The following SERPINE2 variants were observed in gnomAD, a reference collection of about 807,000 sequenced individuals.
SERPINE2 encodes the protein glia-derived nexin.
SERPINE2 carries 14 observed loss-of-function variants against 36.3 expected under a neutral mutation model. The observed-to-expected ratio is 0.39, with a 90% CI of 0.25 to 0.60. The LOEUF (loss-of-function observed/expected upper bound fraction) is 0.60, where lower values mean the gene tolerates loss of function less well. Ranked by LOEUF, SERPINE2 falls within the 20% of genes least tolerant of loss-of-function variation. SERPINE2 has a pLI of 0.57. For missense variants in SERPINE2, 418 were observed against 499.6 expected, an observed-to-expected ratio of 0.84 and a Z score of 1.56; for synonymous variants, 192 against 191.8, an observed-to-expected ratio of 1.00 and a Z score of -0.01.
In SERPINE2 at chr2:223,991,822, C is replaced by T. The variant is rs1298593564; in HGVS notation, c.666G>A (p.Gln222=). The change falls in exon 4 of 9, where the codon CAG becomes CAA. Residue 222 remains glutamine (Q), a synonymous_variant. Coordinates refer to ENST00000409304, the MANE Select transcript of SERPINE2 (RefSeq NM_001136528.2). ...ACTCACCACACCGGAACACGGAGAG[C>T]TGGGCCAGCATTGGCACTTGATAGG... The part of the protein sequence containing the change: ...GKSYQVPMLA[Q]LSVFRCGSTS... The T allele has an allele frequency of 6.2e-7, 1 of 1,613,994 alleles. No individual in the cohort carries two copies. The highest frequency in any genetic ancestry group is 2.2e-5 in the East Asian group (1 of 44,872).
In SERPINE2 at chr2:223,998,103, G is replaced by A. The variant is rs374824025; in HGVS notation, c.487+12C>T. On this transcript the variant is annotated intron_variant, in intron 3 of 8. Transcript: ENST00000409304. ...AAACTATGCAATCAAATGACATACT[G>A]CGGCCACTCACCCCTGGTTTCATTT... 2.3e-4 allele frequency: 372 copies of A among 1,597,378 alleles called. 2 individuals carry two copies. In the South Asian group the frequency reaches 2.7e-3, roughly 12 times the overall value.
intron 1 of SERPINE2, among the ~76,000 whole-genome samples, chr2:224,024,878 A>C (rs577179927): frequency 6.6e-6 from 1 of 152,310 alleles, no homozygotes; most frequent in East Asian, 1.9e-4. Context: ...TGCACCAACG[A>C]ATCTTTAGGG....
At position 224,007,182 on chromosome 2, in the gene SERPINE2, T is replaced by C. The variant is rs931744236; in HGVS notation, c.-22-5260A>G. On this transcript the variant is annotated intron_variant, in intron 1 of 8. Transcript: ENST00000409304. ...TCTATGTAGCATAATAAGTAAGTTG[T>C]AGGCAGACAGCTTGGTGGGAAAAAC... Among the ~76,000 whole-genome samples the C allele has an allele frequency of 2.6e-5, 4 of 152,218 alleles. No individual in the cohort carries two copies. In the South Asian group the frequency reaches 8.3e-4, roughly 31 times the overall value.
At position 223,975,141 on chromosome 2, in the gene SERPINE2, C is replaced by G. The variant is rs1245900817; in HGVS notation, c.*726G>C. 6.6e-6 allele frequency: 1 copy of G among 152,336 alleles called. No homozygotes were observed. The highest frequency in any genetic ancestry group is 2.4e-5 in the African/African-American group (1 of 41,410). The allele number at this position is 152,336 out of a possible 1,614,324, so 9.4% of individuals were successfully genotyped here. ...TTTCTTCTATTGTATTTTCAAATAG[C>G]AGAGAAATAGCTTTATTTTTACTAC... On this transcript the variant is annotated 3_prime_UTR_variant, in exon 9 of 9. Coordinates refer to ENST00000409304, the MANE Select transcript of SERPINE2 (RefSeq NM_001136528.2).
chr2:224,018,895 C>T (rs1485029563), intron 1 of SERPINE2, among the ~76,000 whole-genome samples: 2 of 152,218 alleles, frequency 1.3e-5, no homozygotes, highest in South Asian at 2.1e-4. Context: ...CCAACATCTC[C>T]GGAGGAGGAC....
intron 1 of SERPINE2, among the ~76,000 whole-genome samples, chr2:224,016,420 C>G (rs12619651): frequency 0.067 from 10,154 of 151,454 alleles, 478 homozygotes; most frequent in South Asian, 0.11. Context: ...GCAGGAGAAT[C>G]GCTTGAACCC....
chr2:223,996,094 A>G (rs1377955555), intron 3 of SERPINE2, among the ~76,000 whole-genome samples: 1 of 152,184 alleles, frequency 6.6e-6, no homozygotes, highest in Non-Finnish European at 1.5e-5. Context: ...AGGGCTGCAA[A>G]GTGCTGCAGG....
chr2:224,010,666 G>A (rs910850705), intron 1 of SERPINE2, among the ~76,000 whole-genome samples: 2 of 152,268 alleles, frequency 1.3e-5, no homozygotes, highest in South Asian at 2.1e-4. Context: ...ATCTTCATCC[G>A]TCTTAGCTTT....
At chr2:223,980,168 T>G (rs915247115) in intron 7 of SERPINE2, 143 bp downstream of exon 7, 2 of 649,950 alleles carry the variant, frequency 3.1e-6, no homozygotes, top group African/African-American at 3.6e-5. Flanking sequence ...CTGTCTGTAC[T>G]CACTGCTGTC....
chr2:223,990,238 G>A (rs771350707), intron 4 of SERPINE2, among the ~76,000 whole-genome samples: 6 of 152,272 alleles, frequency 3.9e-5, no homozygotes, highest in Non-Finnish European at 5.9e-5. Context: ...GGCATGAATC[G>A]GGGAAAGTGG....
At chr2:223,983,363 C>A (rs1444891190) in intron 5 of SERPINE2, among the ~76,000 whole-genome samples, 1 of 152,184 alleles carries the variant, frequency 6.6e-6, no homozygotes, top group African/African-American at 2.4e-5. Context: ...AAGCAATTCT[C>A]CCGCCTCAGC....
intron 1 of SERPINE2, among the ~76,000 whole-genome samples, chr2:224,033,636 CG>C (rs1692447639): frequency 6.9e-6 from 1 of 145,024 alleles, no homozygotes; most frequent in Non-Finnish European, 1.5e-5. Flanking sequence ...ATGTGACTGA[CG>C]ATACCAGCCA....
intron 2 of SERPINE2, among the ~76,000 whole-genome samples, chr2:223,999,478 C>T (rs369914037): frequency 1.4e-4 from 21 of 152,050 alleles, no homozygotes; most frequent in Admixed American, 6.6e-4. Flanking sequence ...GCCTTTTACA[C>T]GGGGGAGGGG....
At chr2:224,036,105 G>A (rs1472147702) in intron 1 of SERPINE2, among the ~76,000 whole-genome samples, 2 of 152,140 alleles carry the variant, frequency 1.3e-5, no homozygotes, top group Non-Finnish European at 2.9e-5. Context: ...AAAGGGCACG[G>A]GTAAGCGCAC....
At chr2:224,009,674 GAC>G (rs1475818475) in intron 1 of SERPINE2, among the ~76,000 whole-genome samples, 1 of 150,828 alleles carries the variant, frequency 6.6e-6, no homozygotes, top group African/African-American at 2.5e-5. Flanking sequence ...CAGCCCAGGT[GAC>G]AGAGTGAGAC....
At chr2:224,030,181 C>T in intron 1 of SERPINE2, 1 of 985,426 alleles carries the variant, frequency 1.0e-6, no homozygotes, top group Non-Finnish European at 1.2e-6. Flanking sequence ...TCCTTTGCTT[C>T]ATGGCCAACG....
chr2:224,035,073 T>C (rs1168756550), intron 1 of SERPINE2, among the ~76,000 whole-genome samples: 1 of 151,620 alleles, frequency 6.6e-6, no homozygotes, highest in Non-Finnish European at 1.5e-5. Context: ...CCAAGAAGAC[T>C]TGGATTTGGG....
At chr2:224,037,331 T>C (rs539775725) in intron 1 of SERPINE2, among the ~76,000 whole-genome samples, 3 of 152,310 alleles carry the variant, frequency 2.0e-5, no homozygotes, top group Admixed American at 2.0e-4. Flanking sequence ...GGAGATCGCT[T>C]GCATTGAAGA....
intron 1 of SERPINE2, among the ~76,000 whole-genome samples, chr2:224,021,358 T>C (rs1385087599): frequency 2.0e-5 from 3 of 152,066 alleles, no homozygotes; most frequent in African/African-American, 4.8e-5. Flanking sequence ...GTTCATGTGC[T>C]CTCCTAGTCA....
Sources: allele counts gnomAD v4.1 joint callset (sites outside exome capture counted in the v4.1 genomes callset), GRCh38; gene constraint gnomAD v4.1.1; transcripts MANE v1.5; gene names NCBI Gene and HGNC (gene_info 2026-07-23, HGNC 2026-07-21).